EFCAB6: variants seen among roughly 807,000 people sequenced by gnomAD.
The protein encoded by EFCAB6 is EF-hand calcium binding domain 6.
Under a neutral mutation model 169.8 loss-of-function variants are expected in EFCAB6, and 156 were observed. That is an observed-to-expected ratio of 0.92 (90% CI 0.81 to 1.05). The LOEUF (loss-of-function observed/expected upper bound fraction) is 1.05, where lower values mean the gene tolerates loss of function less well. EFCAB6 is among the 50% of genes least tolerant of loss of function. The pLI, the probability that EFCAB6 is intolerant of heterozygous loss-of-function variation, is 0.00. For synonymous variants in EFCAB6, 698 were observed against 676.4 expected (o/e 1.03, Z -0.50); for missense variants, 1,800 against 1,829.1 (o/e 0.98, Z 0.29).
At chr22:43,581,959 G>A (rs912026521) in intron 24 of EFCAB6, among the ~76,000 whole-genome samples, 7 of 152,178 alleles carry the variant, frequency 4.6e-5, no homozygotes, top group Admixed American at 4.6e-4. Flanking sequence ...TTTGGATCTA[G>A]AAAAGAATAA....
intron 21 of EFCAB6, among the ~76,000 whole-genome samples, chr22:43,609,278 T>A (rs929270025): frequency 1.2e-4 from 18 of 152,164 alleles, no homozygotes; most frequent in African/African-American, 4.3e-4. Context: ...AGTGAGAATA[T>A]CTTCATCACC....
chr22:43,581,453 A>G (rs1304013117), intron 24 of EFCAB6, among the ~76,000 whole-genome samples: 1 of 152,246 alleles, frequency 6.6e-6, no homozygotes. Context: ...CTTGACTCTG[A>G]CACAGAAGAA....
intron 24 of EFCAB6, among the ~76,000 whole-genome samples, chr22:43,582,497 A>G (rs760024485): frequency 1.1e-4 from 16 of 152,234 alleles, no homozygotes; most frequent in Admixed American, 2.6e-4. Context: ...AGAAGAATTT[A>G]AAAAGTTTCA....
chr22:43,626,597 T>C lies in EFCAB6; in HGVS notation c.2315A>G (p.His772Arg). ...NMHDLHRLLL[H>R]LLLNLKDDEF... ...GTCGTCTTTGAGATTAAGCAGTAGA[T>C]GCAGGAGCAGTCTGTGAAGGTCATG... The change falls in exon 20 of 32, where the codon CAT (histidine) becomes CGT (arginine). Residue 772 changes from histidine to arginine, a missense_variant. Transcript: ENST00000262726. The C allele has an allele frequency of 3.1e-6, 5 of 1,614,216 alleles. No homozygotes were observed. Among genetic ancestry groups the C allele is most frequent in the Non-Finnish European group, 4.2e-6 (5 of 1,180,050 alleles).
intron 23 of EFCAB6, 90 bp from the exon 24 acceptor site, chr22:43,590,319 T>C: frequency 1.4e-6 from 2 of 1,460,798 alleles, no homozygotes; most frequent in South Asian, 1.5e-5. Flanking sequence ...TCTAATGCAA[T>C]GAGCTGATGG....
chr22:43,763,615 T>A (rs986443580), intron 5 of EFCAB6, among the ~76,000 whole-genome samples: 1 of 152,206 alleles, frequency 6.6e-6, no homozygotes, highest in African/African-American at 2.4e-5. Context: ...TTAATTTTTT[T>A]AATCCCCTTA....
chr22:43,684,789 T>G (rs1174440180), intron 11 of EFCAB6, among the ~76,000 whole-genome samples: 1 of 152,216 alleles, frequency 6.6e-6, no homozygotes, highest in African/African-American at 2.4e-5. Context: ...CATGAAGAGA[T>G]GCTTTTTACA....
At chr22:43,775,563 C>T (rs1033135526) in intron 3 of EFCAB6, among the ~76,000 whole-genome samples, 2 of 152,192 alleles carry the variant, frequency 1.3e-5, no homozygotes, top group African/African-American at 2.4e-5. Flanking sequence ...CTGCCTCAGC[C>T]TCCCGAGTAG....
chr22:43,575,684 G>T (rs868135421), intron 26 of EFCAB6, among the ~76,000 whole-genome samples: 1 of 151,586 alleles, frequency 6.6e-6, no homozygotes, highest in Admixed American at 6.6e-5. Flanking sequence ...AAATGGCAAA[G>T]ATGAAAAAAA....
At chr22:43,639,656 C>T (rs1198984201) in intron 17 of EFCAB6, among the ~76,000 whole-genome samples, 2 of 152,124 alleles carry the variant, frequency 1.3e-5, no homozygotes, top group African/African-American at 4.8e-5. Context: ...GTTTTCTGAG[C>T]TTCTGGAATC....
At chr22:43,627,049 A>G (rs1200605637) in intron 19 of EFCAB6, among the ~76,000 whole-genome samples, 2 of 152,136 alleles carry the variant, frequency 1.3e-5, no homozygotes, top group Non-Finnish European at 2.9e-5. Context: ...TTTTTATATC[A>G]CTTTCATAAT....
chr22:43,743,990 AATGGATGAATGAATGG>A (rs1041504900), intron 6 of EFCAB6, among the ~76,000 whole-genome samples: 1 of 81,552 alleles, frequency 1.2e-5, no homozygotes, highest in Admixed American at 1.9e-4. Context: ...TAGATAGGTA[AATGGATGAATGAATGG>A]ATGAAGGGAT....
chr22:43,620,502 A>G (rs1402164125), intron 20 of EFCAB6, among the ~76,000 whole-genome samples: 1 of 152,158 alleles, frequency 6.6e-6, no homozygotes, highest in Non-Finnish European at 1.5e-5. Context: ...CAGCAAAAAT[A>G]TCTTTCAAGA....
chr22:43,677,752 T>C (rs1272246022), intron 13 of EFCAB6, among the ~76,000 whole-genome samples: 1 of 152,134 alleles, frequency 6.6e-6, no homozygotes, highest in Non-Finnish European at 1.5e-5. Flanking sequence ...ACATCCTGTA[T>C]ATAAAGGGCT....
intron 18 of EFCAB6, among the ~76,000 whole-genome samples, chr22:43,634,662 A>G (rs1005520176): frequency 1.7e-5 from 2 of 119,652 alleles, no homozygotes; most frequent in Admixed American, 9.4e-5. Context: ...GTTTCCTAAC[A>G]TCCGGTGGGG....
intron 5 of EFCAB6, among the ~76,000 whole-genome samples, chr22:43,761,603 T>C (rs2061163469): frequency 6.6e-6 from 1 of 152,264 alleles, no homozygotes; most frequent in Non-Finnish European, 1.5e-5. Flanking sequence ...TCTTTAAACA[T>C]ATTAAAACAC....
Position 43,711,637 on chromosome 22 carries a change from A to C in EFCAB6, c.883-14T>G. 1 of 1,575,360 alleles carries C rather than the reference A, an allele frequency of 6.3e-7. No homozygotes were observed. The highest frequency in any genetic ancestry group is 8.5e-7 in the Non-Finnish European group (1 of 1,170,412). The stretch of plus-strand genomic sequence containing the variant: ...AGACTTCGAAAGCTGCAATAAATTG[A>C]AATTAGAGTGTGGCGTTCATAAATA... On this transcript the variant is annotated splice_polypyrimidine_tract_variant and intron_variant, in intron 9 of 31. Coordinates refer to ENST00000262726, the MANE Select transcript of EFCAB6 (RefSeq NM_022785.4).
chr22:43,557,233 A>T (rs777062897), intron 26 of EFCAB6, among the ~76,000 whole-genome samples: 31 of 152,206 alleles, frequency 2.0e-4, no homozygotes, highest in Non-Finnish European at 4.1e-4. Flanking sequence ...AGGAGGAATA[A>T]GGGCTCCCCT....
rs941997696 is a variant in EFCAB6, at chr22:43,677,682, AAAAT to A, written c.1419+310_1419+313del. On this transcript the variant is annotated intron_variant, in intron 13 of 31. Transcript: ENST00000262726. ...TCTCAAGAAAAAAACAAGAACAACAAAAATAAATAAATAAATAAGACATGGCTGC... is the reference window on the plus strand; with the variant it reads ...TCTCAAGAAAAAAACAAGAACAACAAAAATAAATAAATAAGACATGGCTGC... Among the ~76,000 whole-genome samples, 4 of 152,134 alleles carry A rather than the reference AAAAT, an allele frequency of 2.6e-5. No homozygotes were observed. In the East Asian group the frequency reaches 5.8e-4, roughly 22 times the overall value.
Sources: gnomAD v4.1 joint callset for allele counts (sites outside exome capture counted in the v4.1 genomes callset) on GRCh38, gnomAD v4.1.1 for gene constraint, MANE v1.5 for transcripts, NCBI Gene and HGNC (gene_info 2026-07-23, HGNC 2026-07-21) for gene names.